Variants in GOLGB1 observed in about 807,000 individuals in gnomAD.
GOLGB1 encodes golgin subfamily B member 1.
A neutral mutation model predicts 336.9 loss-of-function variants in GOLGB1; 174 were observed. The ratio of observed to expected loss-of-function variants is 0.52; its 90% CI spans 0.46 to 0.59. The LOEUF (loss-of-function observed/expected upper bound fraction) is 0.59, where lower values mean the gene tolerates loss of function less well. Ranked by LOEUF, GOLGB1 falls within the 20% of genes least tolerant of loss-of-function variation. The probability of loss-of-function intolerance (pLI) is 0.00; values close to 1 mark genes in which losing one functional copy is unlikely to be tolerated. For synonymous variants in GOLGB1, 1,208 were observed against 1,289.2 expected (o/e 0.94, Z 1.35); for missense variants, 3,331 against 3,645.3 (o/e 0.91, Z 2.22).
At chr3:121,684,256 A>G (rs1027541000) in intron 14 of GOLGB1, among the ~76,000 whole-genome samples, 1 of 149,248 alleles carries the variant, frequency 6.7e-6, no homozygotes, top group South Asian at 2.1e-4. Context: ...AGGCAAGAAA[A>G]TCTTCCAGAA....
intron 6 of GOLGB1, among the ~76,000 whole-genome samples, chr3:121,720,046 C>A (rs1175711895): frequency 6.6e-6 from 1 of 152,052 alleles, no homozygotes; most frequent in Non-Finnish European, 1.5e-5. Flanking sequence ...TTTAAATATA[C>A]AAGAAGTGTA....
intron 10 of GOLGB1, among the ~76,000 whole-genome samples, chr3:121,707,637 T>TA (rs1298773229): frequency 2.8e-3 from 266 of 94,388 alleles, no homozygotes; most frequent in African/African-American, 7.9e-3. Context: ...TGTCTCTTAC[T>TA]AAAAAAAAAA....
chr3:121,699,996 C>A, intron 11 of GOLGB1, 111 bp from the exon 12 acceptor site: 8 of 638,472 alleles, frequency 1.3e-5, no homozygotes, highest in Non-Finnish European at 2.2e-5. Flanking sequence ...AAAAAATAAA[C>A]AAAATAGCTT....
chr3:121,691,444 T>A lies in GOLGB1; in HGVS notation c.7920A>T (p.Lys2640Asn). 6.2e-7 allele frequency: 1 copy of A among 1,613,848 alleles called. No homozygotes were observed. Among genetic ancestry groups the A allele is most frequent in the East Asian group, 2.2e-5 (1 of 44,874 alleles). Reference sequence around the variant, plus strand: ...ACCTGTGTACCTCTTCTTCTTTTACTTTTAACTGGGCATGATAGAGTCCTA... The same window carrying A: ...ACCTGTGTACCTCTTCTTCTTTTACATTTAACTGGGCATGATAGAGTCCTA... Reference protein sequence around the residue: ...GTLGLYHAQLKVKEEEVHRLS... With the variant: ...GTLGLYHAQLNVKEEEVHRLS... The change falls in exon 14 of 22, where the codon AAA (lysine) becomes AAT (asparagine). Residue 2640 changes from lysine (K) to asparagine (N), a missense_variant. Lys to Asn is a moderately conservative substitution (Grantham distance 94, BLOSUM62 0). Coordinates refer to ENST00000614479, the MANE Select transcript of GOLGB1 (RefSeq NM_001366282.2).
chr3:121,722,696 A>AT (rs1459191345), intron 5 of GOLGB1, among the ~76,000 whole-genome samples: 2 of 152,218 alleles, frequency 1.3e-5, no homozygotes, highest in African/African-American at 4.8e-5. Context: ...ATATAAGCTA[A>AT]TAAGGACAAA....
chr3:121,715,369 A>ATTTTTTTTTTT (rs373634444), intron 9 of GOLGB1, among the ~76,000 whole-genome samples: 3 of 128,592 alleles, frequency 2.3e-5, no homozygotes, highest in African/African-American at 6.0e-5. Flanking sequence ...TGCCTGGCTA[A>ATTTTTTTTTTT]TTTTTTTTTT....
intron 8 of GOLGB1, among the ~76,000 whole-genome samples, chr3:121,717,632 C>T (rs1411703866): frequency 6.6e-6 from 1 of 152,088 alleles, no homozygotes; most frequent in Non-Finnish European, 1.5e-5. Flanking sequence ...CCTTCATACT[C>T]AAGAGAATAT....
Position 121,692,554 on chromosome 3 carries a change from C to T in GOLGB1, c.6810G>A (p.Glu2270=). Residue 2270 remains glutamate, a synonymous_variant, in exon 14 of 22, where the codon GAG becomes GAA. Coordinates refer to ENST00000614479, the MANE Select transcript of GOLGB1 (RefSeq NM_001366282.2). ...GCTGGACCTCTGTCTGGGCCTTGGA[C>T]TCCCAAATCTGCTTGTCATGTTCAA... ...SRLEHDKQIW[E]SKAQTEVQLQ... 6.3e-7 allele frequency: 1 copy of T among 1,587,310 alleles called. No homozygotes were observed. The highest frequency in any genetic ancestry group is 8.5e-7 in the Non-Finnish European group (1 of 1,171,048).
intron 9 of GOLGB1, among the ~76,000 whole-genome samples, chr3:121,715,605 G>T (rs141008253): frequency 6.6e-6 from 1 of 151,938 alleles, no homozygotes; most frequent in Non-Finnish European, 1.5e-5. Context: ...AGGTATTATG[G>T]ATCCCACCAA....
rs141618998 is a variant in GOLGB1 at position 121,682,058 on chromosome 3, C to T, written c.8695-193G>A. ...CATGCAGCTAGGCTGGTGGAAATCA[C>T]CCATGGAGCTGCCATCAAGGCTACA... On this transcript the variant is annotated intron_variant, in intron 14 of 21. Transcript: ENST00000614479. Among the ~76,000 whole-genome samples the T allele has an allele frequency of 4.2e-3, 645 of 152,306 alleles. 6 individuals carry two copies. The highest frequency in any genetic ancestry group is 0.014 in the African/African-American group (602 of 41,576).
chr3:121,698,534 T>A lies in GOLGB1; in HGVS notation c.1989A>T (p.Gly663=). 1 of 1,613,832 alleles carries A rather than the reference T, an allele frequency of 6.2e-7. No individual in the cohort carries two copies. Among genetic ancestry groups the A allele is most frequent in the Non-Finnish European group, 8.5e-7 (1 of 1,179,800 alleles). Residue 663 remains glycine, a synonymous_variant, in exon 13 of 22, where the codon GGA becomes GGT. Coordinates refer to ENST00000614479, the MANE Select transcript of GOLGB1 (RefSeq NM_001366282.2). ...TSEEISLNDA[G]VELKSTKQDG... is the part of the protein sequence containing the mutation. ...CCTGCTTTGTTGATTTCAATTCTAC[T>A]CCAGCATCATTTAAAGATATTTCCT... is the stretch of plus-strand genomic sequence containing the variant.
Position 121,674,205 on chromosome 3 carries a change from A to C in GOLGB1, c.9177+2688T>G, listed in dbSNP as rs116746493. ...GTCATATCATCTGCAAAAAAGGCTA[A>C]TTTGACCTCTTCCTTTCCAATCTGG... On this transcript the variant is annotated intron_variant, in intron 17 of 21. Transcript: ENST00000614479. 3.1e-3 allele frequency among the ~76,000 whole-genome samples: 466 copies of C among 151,782 alleles called. 2 individuals carry two copies. Among genetic ancestry groups the C allele is most frequent in the African/African-American group, 0.01 (434 of 41,424 alleles).
At chr3:121,674,979 G>A (rs1940149199) in intron 17 of GOLGB1, among the ~76,000 whole-genome samples, 1 of 151,658 alleles carries the variant, frequency 6.6e-6, no homozygotes, top group Non-Finnish European at 1.5e-5. Flanking sequence ...GGGACTACAG[G>A]CGCCCGCCAC....
In GOLGB1 at chr3:121,726,085, TA is replaced by T. The variant is rs879839160; in HGVS notation, c.531+827del. Reference sequence around the variant, plus strand: ...TGATAAAAGCATACCAGAGCCACACTAAAAAAAAAAAAATCAAAATTGCAAT... The same window carrying T: ...TGATAAAAGCATACCAGAGCCACACTAAAAAAAAAAAATCAAAATTGCAAT... On this transcript the variant is annotated intron_variant, in intron 5 of 21. Coordinates refer to ENST00000614479, the MANE Select transcript of GOLGB1 (RefSeq NM_001366282.2). Among the ~76,000 whole-genome samples the T allele has an allele frequency of 2.8e-3, 388 of 140,510 alleles. 1 individual carries two copies. The highest frequency in any genetic ancestry group is 8.3e-3 in the Admixed American group (116 of 13,982). The allele number at this position is 140,510 out of a possible 152,430, so 92.2% of individuals were successfully genotyped here.
At chr3:121,681,364 C>T (rs574471464) in intron 15 of GOLGB1, among the ~76,000 whole-genome samples, 3 of 152,208 alleles carry the variant, frequency 2.0e-5, no homozygotes, top group East Asian at 3.9e-4. Context: ...GCACAAAGGA[C>T]GTATTTGTGG....
In GOLGB1 at chr3:121,695,323, C is replaced by G. The variant is rs1376084145; in HGVS notation, c.5200G>C (p.Glu1734Gln). ...SSNASMKEEL[E>Q]RVKMEYETLS... ...GTTTCATACTCCATTTTGACCCTTTCAAGTTCTTCCTTCATGCTGGCATTG... is the reference window on the plus strand; with the variant it reads ...GTTTCATACTCCATTTTGACCCTTTGAAGTTCTTCCTTCATGCTGGCATTG... The change falls in exon 13 of 22, where the codon GAA becomes CAA. Residue 1734 changes from glutamate to glutamine, a missense_variant. Transcript: ENST00000614479. 9.9e-6 allele frequency: 16 copies of G among 1,614,068 alleles called. No homozygotes were observed. In the East Asian group the frequency reaches 3.3e-4, roughly 34 times the overall value.
At chr3:121,687,402 A>G (rs1385443872) in intron 14 of GOLGB1, among the ~76,000 whole-genome samples, 5 of 152,236 alleles carry the variant, frequency 3.3e-5, no homozygotes, top group African/African-American at 4.8e-5. Context: ...AAAGACTTAT[A>G]TGGTGATGGT....
chr3:121,690,801 T>G lies in GOLGB1; in HGVS notation c.8563A>C (p.Asn2855His). Residue 2855 changes from asparagine to histidine, a missense_variant, in exon 14 of 22, where the codon AAT becomes CAT. Coordinates refer to ENST00000614479, the MANE Select transcript of GOLGB1 (RefSeq NM_001366282.2). ...SLQNERDHLW[N>H]ELEKFRKSEE... ...GACTTTCGAAATTTCTCCAGCTCAT[T>G]CCACAGGTGATCTCTCTCATTCTGC... 2.5e-6 allele frequency: 4 copies of G among 1,605,582 alleles called. No individual in the cohort carries two copies. The highest frequency in any genetic ancestry group is 1.1e-5 in the South Asian group (1 of 89,360).
In GOLGB1 at chr3:121,717,057, T is replaced by G. The variant is rs138869626; in HGVS notation, c.968A>C (p.Lys323Thr). Residue 323 changes from lysine to threonine, a missense_variant, in exon 9 of 22, where the codon AAG becomes ACG. Physicochemically the swap from Lys to Thr is moderately conservative, Grantham distance 78. Transcript: ENST00000614479. Reference protein sequence around the residue: ...NTVETEREESKILLEKMELEV... With the variant: ...NTVETEREESTILLEKMELEV... ...AAGTTCCATCTTTTCCAGTAGAATCTTGGACTCCTCTCTTTCTGTTTCCAC... is the reference window on the plus strand; with the variant it reads ...AAGTTCCATCTTTTCCAGTAGAATCGTGGACTCCTCTCTTTCTGTTTCCAC... 1.2e-5 allele frequency: 19 copies of G among 1,613,040 alleles called. No individual in the cohort carries two copies. Among genetic ancestry groups the G allele is most frequent in the African/African-American group, 2.7e-5 (2 of 74,934 alleles).
Sources: allele counts gnomAD v4.1 joint callset (sites outside exome capture counted in the v4.1 genomes callset), GRCh38; gene constraint gnomAD v4.1.1; transcripts MANE v1.5; gene names NCBI Gene and HGNC (gene_info 2026-07-23, HGNC 2026-07-21).